The following ATOSB variants were observed in gnomAD, a reference collection of about 807,000 sequenced individuals.
ATOSB encodes atos homolog B.
At chr9:35,108,395 T>A in the ATOSB span, 1 of 1,411,850 alleles carries the variant, frequency 7.1e-7, no homozygotes, top group Non-Finnish European at 9.2e-7. Context: ...AATCAATGAG[T>A]CTTCTTCCTT....
the ATOSB span, among the ~76,000 whole-genome samples, chr9:35,115,050 G>A: frequency 1.3e-5 from 2 of 151,982 alleles, no homozygotes; most frequent in African/African-American, 4.8e-5. Context: ...CAGGGCGGGG[G>A]AGGGGGGAGA....
At chr9:35,107,305 G>C in the ATOSB span, 1 of 1,450,904 alleles carries the variant, frequency 6.9e-7, no homozygotes, top group Non-Finnish European at 9.1e-7. Context: ...CAGTGATGGA[G>C]TGAGATCCCA....
the ATOSB span, among the ~76,000 whole-genome samples, chr9:35,113,457 C>T: frequency 6.6e-6 from 1 of 152,192 alleles, no homozygotes; most frequent in Middle Eastern, 3.4e-3. Flanking sequence ...AACCCCGTCT[C>T]TACTAAAAAT....
At chr9:35,106,005 A>T in the ATOSB span, 2 of 1,613,360 alleles carry the variant, frequency 1.2e-6, no homozygotes, top group Non-Finnish European at 1.7e-6. This position sits in a 1 kb window ranked among gnomAD's most constrained non-coding sequence, Gnocchi z 4.6. Context: ...CAGATCCACG[A>T]TGCCCTGGAA....
the ATOSB span, chr9:35,105,407 C>A: frequency 6.3e-7 from 1 of 1,586,022 alleles, no homozygotes; most frequent in South Asian, 1.1e-5. This position sits in a 1 kb window ranked among gnomAD's most constrained non-coding sequence, Gnocchi z 5.5. Context: ...ACGTAAGAAT[C>A]CAGGCTGGGT....
the ATOSB span, chr9:35,107,566 G>T: frequency 1.9e-6 from 3 of 1,592,220 alleles, no homozygotes; most frequent in Non-Finnish European, 2.6e-6. Flanking sequence ...GTGGGGCAGG[G>T]GCCTGGGGGT....
the ATOSB span, chr9:35,106,898 A>G: frequency 6.4e-6 from 10 of 1,565,512 alleles, no homozygotes; most frequent in Admixed American, 1.7e-4. The surrounding 1 kb of genome is among the most constrained non-coding windows in gnomAD (Gnocchi z 4.6). Context: ...GGTCCTACGG[A>G]GAGAAATGAT....
the ATOSB span, chr9:35,107,650 C>T: frequency 6.2e-7 from 1 of 1,605,982 alleles, no homozygotes. Context: ...CAGAGGCTAC[C>T]CCCATTGCCC....
chr9:35,104,653 A>G, the ATOSB span: 1 of 423,254 alleles, frequency 2.4e-6, no homozygotes. Context: ...GGGACTGGGG[A>G]AGGACAGGGG....
the ATOSB span, chr9:35,107,775 C>A: frequency 6.4e-7 from 1 of 1,562,600 alleles, no homozygotes. Context: ...GGACCCCTGT[C>A]CCCCTGGATC....
chr9:35,107,559 G>C, the ATOSB span: 4 of 1,594,448 alleles, frequency 2.5e-6, no homozygotes, highest in Non-Finnish European at 3.4e-6. Context: ...TCGCTTGGTG[G>C]GGCAGGGGCC....
chr9:35,114,597 C>T, the ATOSB span, among the ~76,000 whole-genome samples: 25 of 152,338 alleles, frequency 1.6e-4, 1 homozygote, highest in East Asian at 1.5e-3. Flanking sequence ...TAGGTCCTAG[C>T]CTGTTCTGAT....
At chr9:35,104,899 G>T in the ATOSB span, 1 of 231,552 alleles carries the variant, frequency 4.3e-6, no homozygotes, top group African/African-American at 2.3e-5. Flanking sequence ...ATAACAAGTG[G>T]CCCCTGCCCA....
chr9:35,106,217 G>T, the ATOSB span: 1 of 1,612,196 alleles, frequency 6.2e-7, no homozygotes, highest in Non-Finnish European at 8.5e-7. The surrounding 1 kb of genome is among the most constrained non-coding windows in gnomAD (Gnocchi z 4.6). Context: ...TCATCCTCTT[G>T]ATGAGCTGAC....
At chr9:35,114,397 A>C in the ATOSB span, among the ~76,000 whole-genome samples, 1 of 147,312 alleles carries the variant, frequency 6.8e-6, no homozygotes, top group African/African-American at 2.5e-5. Flanking sequence ...CTCCCCAGCC[A>C]GTCTCTCAGC....
the ATOSB span, among the ~76,000 whole-genome samples, chr9:35,114,870 C>A: frequency 6.6e-6 from 1 of 152,156 alleles, no homozygotes; most frequent in East Asian, 1.9e-4. Flanking sequence ...ATGCGAGAGA[C>A]CTGGGTGGTA....
the ATOSB span, chr9:35,106,632 C>T: frequency 1.0e-5 from 16 of 1,553,016 alleles, no homozygotes; most frequent in East Asian, 7.3e-5. This position sits in a 1 kb window ranked among gnomAD's most constrained non-coding sequence, Gnocchi z 4.6. Flanking sequence ...CCGGAGGCTT[C>T]GAAGGGGGCT....
At chr9:35,108,051 C>A in the ATOSB span, 4 of 1,534,720 alleles carry the variant, frequency 2.6e-6, no homozygotes, top group Non-Finnish European at 3.5e-6. Context: ...CTCCCGGGGA[C>A]CCTCAGTGGA....
chr9:35,113,713 TA>T, the ATOSB span, among the ~76,000 whole-genome samples: 13 of 152,240 alleles, frequency 8.5e-5, no homozygotes, highest in South Asian at 2.1e-4. Flanking sequence ...TATCCTGCTT[TA>T]TTTTTTTTTA....
Sources: allele counts gnomAD v4.1 joint callset (sites outside exome capture counted in the v4.1 genomes callset), GRCh38; gene constraint gnomAD v4.1.1; non-coding constraint Gnocchi (gnomAD v3.1); transcripts MANE v1.5; gene names NCBI Gene and HGNC (gene_info 2026-07-23, HGNC 2026-07-21).